DENND5B: variants seen among roughly 807,000 people sequenced by gnomAD.
The protein encoded by DENND5B is DENN domain containing 5B.
Under a neutral mutation model 140.6 loss-of-function variants are expected in DENND5B, and 34 were observed. The ratio of observed to expected loss-of-function variants is 0.24; its 90% CI spans 0.18 to 0.32. DENND5B has a LOEUF of 0.32. Among genes scored for constraint, DENND5B ranks in the 10% least tolerant of loss-of-function variants. The pLI is 1.00. For missense variants in DENND5B, 1,142 were observed against 1,560.2 expected (o/e 0.73, Z 4.52); for synonymous variants, 551 against 562.1 (o/e 0.98, Z 0.28).
At chr12:31,445,419 C>G (rs1417368443) in intron 6 of DENND5B, among the ~76,000 whole-genome samples, 3 of 151,978 alleles carry the variant, frequency 2.0e-5, no homozygotes, top group African/African-American at 7.2e-5. Flanking sequence ...AATAAGTATT[C>G]CAGGCCAGAC....
chr12:31,582,698 A>C (rs561206494), intron 1 of DENND5B, among the ~76,000 whole-genome samples: 1 of 152,242 alleles, frequency 6.6e-6, no homozygotes, highest in African/African-American at 2.4e-5. Flanking sequence ...GAAACAAGCT[A>C]GGTCAGGTCA....
rs556271659 is a variant in DENND5B, at chr12:31,467,043, T to C, written c.905-6662A>G. Among the ~76,000 whole-genome samples the C allele has an allele frequency of 8.4e-4, 127 of 151,940 alleles. 1 individual carries two copies. Among genetic ancestry groups the C allele is most frequent in the African/African-American group, 2.8e-3 (116 of 41,448 alleles). On this transcript the variant is annotated intron_variant, in intron 3 of 20. Transcript: ENST00000389082. ...AGCAATACAGGAAACCAGAAGATGATAGAATATTATCCTCAGAGTTCTAAG... is the reference window on the plus strand; with the variant it reads ...AGCAATACAGGAAACCAGAAGATGACAGAATATTATCCTCAGAGTTCTAAG...
rs147141075 is a variant in DENND5B, at chr12:31,422,148, G to C, written c.2470+1449C>G. 9.4e-3 allele frequency among the ~76,000 whole-genome samples: 1,430 copies of C among 151,954 alleles called. 26 individuals carry two copies. Among genetic ancestry groups the C allele is most frequent in the African/African-American group, 0.033 (1,356 of 41,434 alleles). ...TAAAAGGGTCTTTAAGGTCAGGCAC[G>C]GTGGCTCACTCCTGTAATCCCAGCA... On this transcript the variant is annotated intron_variant, in intron 11 of 20. Transcript: ENST00000389082.
At chr12:31,587,167 T>C (rs1331846300) in intron 1 of DENND5B, among the ~76,000 whole-genome samples, 1 of 152,184 alleles carries the variant, frequency 6.6e-6, no homozygotes, top group Admixed American at 6.5e-5. Context: ...AGTAATTTCA[T>C]GGCTTTAAAT....
rs375628126 is a variant in DENND5B, at chr12:31,551,972, G to A, written c.127+38734C>T. Among the ~76,000 whole-genome samples, 669 of 152,244 alleles carry A rather than the reference G, an allele frequency of 4.4e-3. 5 individuals are homozygous for A. Among genetic ancestry groups the A allele is most frequent in the African/African-American group, 0.014 (579 of 41,560 alleles). On this transcript the variant is annotated intron_variant, in intron 1 of 20. Coordinates refer to ENST00000389082, the MANE Select transcript of DENND5B (RefSeq NM_144973.4). Reference sequence around the variant, plus strand: ...GCTTAAGGAGATTTTGGGCTGAGACGATGGGGTTTTCTAGATAGACAATCA... The same window carrying A: ...GCTTAAGGAGATTTTGGGCTGAGACAATGGGGTTTTCTAGATAGACAATCA...
intron 1 of DENND5B, among the ~76,000 whole-genome samples, chr12:31,560,611 C>T (rs1164690815): frequency 1.3e-5 from 2 of 152,166 alleles, no homozygotes; most frequent in Non-Finnish European, 2.9e-5. Flanking sequence ...AGTCAGAGGT[C>T]TCTCTACCCT....
intron 1 of DENND5B, among the ~76,000 whole-genome samples, chr12:31,529,054 C>A (rs1211126460): frequency 6.6e-6 from 1 of 150,474 alleles, no homozygotes; most frequent in Non-Finnish European, 1.5e-5. Flanking sequence ...CCCAGCTACT[C>A]AGGAAGCTAA....
At chr12:31,444,944 C>T (rs886495266) in intron 6 of DENND5B, among the ~76,000 whole-genome samples, 7 of 152,226 alleles carry the variant, frequency 4.6e-5, no homozygotes, top group Non-Finnish European at 1.0e-4. Flanking sequence ...TTACATACTT[C>T]TCCCTTACAT....
chr12:31,526,969 A>G (rs1048795060), intron 1 of DENND5B, among the ~76,000 whole-genome samples: 2 of 152,248 alleles, frequency 1.3e-5, no homozygotes, highest in Non-Finnish European at 2.9e-5. Context: ...TGTGCCTGCT[A>G]TGAACATAAC....
chr12:31,460,079 T>C, intron 4 of DENND5B, 115 bp downstream of exon 4: 2 of 1,024,538 alleles, frequency 2.0e-6, no homozygotes, highest in South Asian at 1.7e-5. Context: ...TACTTGGAGA[T>C]TTAGGAGAGT....
At chr12:31,496,361 T>G (rs566051099) in intron 1 of DENND5B, among the ~76,000 whole-genome samples, 5 of 152,204 alleles carry the variant, frequency 3.3e-5, no homozygotes, top group Non-Finnish European at 2.9e-5. Context: ...TGCTTGAGTT[T>G]CCACAAAAAT....
intron 1 of DENND5B, among the ~76,000 whole-genome samples, chr12:31,556,861 G>GC (rs1197152967): frequency 6.6e-6 from 1 of 152,028 alleles, no homozygotes; most frequent in Non-Finnish European, 1.5e-5. Context: ...AAATATGCAT[G>GC]CCTCTTGACC....
chr12:31,452,313 T>G lies in DENND5B; in HGVS notation c.1256A>C (p.Lys419Thr). The G allele has an allele frequency of 6.2e-7, 1 of 1,613,980 alleles. No homozygotes were observed. Among genetic ancestry groups the G allele is most frequent in the Non-Finnish European group, 8.5e-7 (1 of 1,179,894 alleles). The change falls in exon 5 of 21, where the codon AAA becomes ACA. Residue 419 changes from lysine to threonine, a missense_variant. Lys to Thr is a moderately conservative substitution (Grantham distance 78, BLOSUM62 -1). This residue lies in a region of DENND5B where 708 missense variants were observed against 905.5 expected (regional missense o/e 0.78). Transcript: ENST00000389082. The stretch of plus-strand genomic sequence containing the variant: ...GTCTTTCAGAACCATATTCTTCAGT[T>G]TGCTGGTACTCTCACTGCAATGTAG... ...GSLHCSESTS[K>T]LKNMVLKDLV...
intron 7 of DENND5B, among the ~76,000 whole-genome samples, chr12:31,437,148 T>G (rs149668488): frequency 7.6e-5 from 1 of 13,100 alleles, no homozygotes. Flanking sequence ...GCCCCCCCCT[T>G]TTTTTTTTTT....
At chr12:31,573,892 C>T (rs940438312) in intron 1 of DENND5B, among the ~76,000 whole-genome samples, 1 of 151,470 alleles carries the variant, frequency 6.6e-6, no homozygotes, top group African/African-American at 2.4e-5. Flanking sequence ...GAGGTTGAGG[C>T]TGTAGTGAGC....
At chr12:31,392,795 T>C in intron 17 of DENND5B, 99 bp from the exon 18 acceptor site, 1 of 1,199,242 alleles carries the variant, frequency 8.3e-7, no homozygotes. Flanking sequence ...AAATACGTCA[T>C]CAGAGCAGGC....
At chr12:31,497,623 C>T (rs1254749453) in intron 1 of DENND5B, among the ~76,000 whole-genome samples, 1 of 150,340 alleles carries the variant, frequency 6.7e-6, no homozygotes. Context: ...AAATTATTCA[C>T]TTCTTCATTT....
At chr12:31,463,214 G>GT (rs1444103187) in intron 3 of DENND5B, among the ~76,000 whole-genome samples, 1 of 152,142 alleles carries the variant, frequency 6.6e-6, no homozygotes, top group Admixed American at 6.5e-5. Context: ...AGCTGCGATC[G>GT]TACCACTGCA....
In DENND5B at chr12:31,386,925, T is replaced by C. The variant is rs1428182958; in HGVS notation, c.*678A>G. On this transcript the variant is annotated 3_prime_UTR_variant, in exon 21 of 21. Coordinates refer to ENST00000389082, the MANE Select transcript of DENND5B (RefSeq NM_144973.4). ...CAATTGAACACATTTCTCAGAGCTTTGTATGTTCTCTTTCCAGTTCAGCCA... is the reference window on the plus strand; with the variant it reads ...CAATTGAACACATTTCTCAGAGCTTCGTATGTTCTCTTTCCAGTTCAGCCA... 1 of 152,232 alleles carries C rather than the reference T, an allele frequency of 6.6e-6. No individual in the cohort carries two copies. Among genetic ancestry groups the C allele is most frequent in the Non-Finnish European group, 1.5e-5 (1 of 68,042 alleles). The allele number at this position is 152,232 out of a possible 1,614,324, so 9.4% of individuals were successfully genotyped here.
Sources: allele counts gnomAD v4.1 joint callset (sites outside exome capture counted in the v4.1 genomes callset), GRCh38; gene constraint gnomAD v4.1.1; regional missense constraint gnomAD v4.1.1; transcripts MANE v1.5; gene names NCBI Gene and HGNC (gene_info 2026-07-23, HGNC 2026-07-21).